DCAF8L2: variants seen among roughly 807,000 people sequenced by gnomAD.
DCAF8L2 encodes the protein DDB1 and CUL4 associated factor 8 like 2, also known as DDB1- and CUL4-associated factor 8-like protein 2.
For missense variants in DCAF8L2, 430 were observed against 490.7 expected, an observed-to-expected ratio of 0.88 and a Z score of 1.17; for synonymous variants, 200 against 190.9, an observed-to-expected ratio of 1.05 and a Z score of -0.39.
intron 2 of DCAF8L2, among the ~76,000 whole-genome samples, chrX:27,676,161 A>C (rs1439014061): frequency 9.0e-6 from 1 of 111,302 alleles, no homozygotes; most frequent in Non-Finnish European, 1.9e-5. Flanking sequence ...GTAATACCAC[A>C]ATTGAGTACT....
At chrX:27,680,603 T>G (rs1023233349) in intron 3 of DCAF8L2, among the ~76,000 whole-genome samples, 1 of 111,672 alleles carries the variant, frequency 9.0e-6, no homozygotes, top group Admixed American at 9.5e-5. Flanking sequence ...TATTTTTTTT[T>G]GTTTGCCCAT....
At chrX:27,571,605 A>G in the DCAF8L2 span, among the ~76,000 whole-genome samples, 2 of 111,968 alleles carry the variant, frequency 1.8e-5, no homozygotes, top group Admixed American at 9.6e-5. Context: ...GAAGAGGTCA[A>G]GTATAGATTT....
intron 4 of DCAF8L2, among the ~76,000 whole-genome samples, chrX:27,733,282 A>G (rs1921329157): frequency 8.9e-6 from 1 of 111,867 alleles, no homozygotes; most frequent in East Asian, 2.8e-4. Context: ...GTGGTGATTA[A>G]TGATATTGAG....
the DCAF8L2 span, among the ~76,000 whole-genome samples, chrX:27,515,005 A>G: frequency 8.9e-6 from 1 of 111,749 alleles, no homozygotes; most frequent in African/African-American, 3.2e-5. Context: ...AATCTAGCAT[A>G]TATTTCAAGA....
the DCAF8L2 span, among the ~76,000 whole-genome samples, chrX:27,481,050 T>C: frequency 9.0e-6 from 1 of 111,687 alleles, no homozygotes; most frequent in Admixed American, 9.6e-5. Flanking sequence ...GTACATAATA[T>C]GCCAAATTTT....
intron 3 of DCAF8L2, among the ~76,000 whole-genome samples, chrX:27,694,367 TA>T (rs1013194114): frequency 8.9e-6 from 1 of 111,982 alleles, no homozygotes; most frequent in African/African-American, 3.2e-5. Context: ...AAATGGAAAT[TA>T]TTTTTTAAAA....
the DCAF8L2 span, among the ~76,000 whole-genome samples, chrX:27,497,724 G>A: frequency 9.0e-5 from 10 of 110,585 alleles, no homozygotes; most frequent in Non-Finnish European, 1.9e-4. Flanking sequence ...GCGCACCACC[G>A]CGCCCGGCTA....
chrX:27,485,127 A>G, the DCAF8L2 span, among the ~76,000 whole-genome samples: 1 of 111,863 alleles, frequency 8.9e-6, no homozygotes, highest in Non-Finnish European at 1.9e-5. Context: ...GATATAGTAT[A>G]TTGTGTGTTT....
chrX:27,591,074 C>A (rs1329681341), intron 1 of DCAF8L2, among the ~76,000 whole-genome samples: 4 of 102,266 alleles, frequency 3.9e-5, no homozygotes, highest in Non-Finnish European at 8.0e-5. Flanking sequence ...TATAAGCATA[C>A]CAGTAGGACT....
At chrX:27,683,983 T>C (rs937882218) in intron 3 of DCAF8L2, among the ~76,000 whole-genome samples, 19 of 112,693 alleles carry the variant, frequency 1.7e-4, no homozygotes, top group South Asian at 3.6e-4. Context: ...GAGACCTCAC[T>C]GTCATGTCAA....
intron 4 of DCAF8L2, among the ~76,000 whole-genome samples, chrX:27,740,630 C>T (rs1367646536): frequency 9.0e-6 from 1 of 111,515 alleles, no homozygotes; most frequent in Non-Finnish European, 1.9e-5. Flanking sequence ...CCTTGAAGTT[C>T]CACAAACACT....
At chrX:27,542,206 G>A in the DCAF8L2 span, among the ~76,000 whole-genome samples, 1 of 111,178 alleles carries the variant, frequency 9.0e-6, no homozygotes, top group Non-Finnish European at 1.9e-5. Flanking sequence ...TTTTCCTTTG[G>A]CTATATACCC....
At chrX:27,658,878 G>T (rs1409742073) in intron 2 of DCAF8L2, among the ~76,000 whole-genome samples, 1 of 100,311 alleles carries the variant, frequency 1.0e-5, no homozygotes, top group Non-Finnish European at 2.0e-5. Flanking sequence ...TTTAGAAAAA[G>T]AAATGAAAAC....
At chrX:27,569,888 A>C in the DCAF8L2 span, among the ~76,000 whole-genome samples, 2 of 111,682 alleles carry the variant, frequency 1.8e-5, no homozygotes, top group East Asian at 2.8e-4. Flanking sequence ...ATGTATAAGA[A>C]AGTTAATAAT....
intron 1 of DCAF8L2, among the ~76,000 whole-genome samples, chrX:27,593,381 T>C (rs1926206407): frequency 8.9e-6 from 1 of 112,588 alleles, no homozygotes; most frequent in Admixed American, 9.4e-5. Context: ...GCTTCATGCA[T>C]GTCATAGCAT....
At chrX:27,711,397 A>G (rs7890856) in intron 3 of DCAF8L2, among the ~76,000 whole-genome samples, 1 of 76,665 alleles carries the variant, frequency 1.3e-5, no homozygotes, top group East Asian at 3.2e-4. Flanking sequence ...GTGTGTGTGT[A>G]CGTGTGTGTG....
intron 1 of DCAF8L2, among the ~76,000 whole-genome samples, chrX:27,599,949 GA>G (rs1434462561): frequency 4.5e-5 from 5 of 111,956 alleles, no homozygotes; most frequent in Non-Finnish European, 9.4e-5. Flanking sequence ...TTTACGAAAA[GA>G]AAAATCCAAG....
At chrX:27,736,980 T>G (rs1420550241) in intron 4 of DCAF8L2, among the ~76,000 whole-genome samples, 1 of 111,861 alleles carries the variant, frequency 8.9e-6, no homozygotes, top group Non-Finnish European at 1.9e-5. Flanking sequence ...ACAATAAAAA[T>G]AGGCAAAATT....
intron 2 of DCAF8L2, among the ~76,000 whole-genome samples, chrX:27,660,778 T>A (rs1929531779): frequency 1.8e-5 from 2 of 112,030 alleles, no homozygotes; most frequent in Non-Finnish European, 3.8e-5. Context: ...CAGGCAAGTC[T>A]CAGGTGCCGG....
Sources: allele counts gnomAD v4.1 joint callset (sites outside exome capture counted in the v4.1 genomes callset), GRCh38; gene constraint gnomAD v4.1.1; transcripts MANE v1.5; gene names NCBI Gene and HGNC (gene_info 2026-07-23, HGNC 2026-07-21).